ZNF516: variants seen among roughly 807,000 people sequenced by gnomAD.
ZNF516 encodes the protein zinc finger protein 516.
Under a neutral mutation model 79.7 loss-of-function variants are expected in ZNF516, and 19 were observed. The ratio of observed to expected loss-of-function variants is 0.24; its 90% CI spans 0.17 to 0.35. The LOEUF is 0.35. Among genes scored for constraint, ZNF516 ranks in the 10% least tolerant of loss-of-function variants. The probability of loss-of-function intolerance (pLI) is 1.00; values close to 1 mark genes in which losing one functional copy is unlikely to be tolerated. For synonymous variants in ZNF516, 877 were observed against 739.5 expected, an observed-to-expected ratio of 1.19 and a Z score of -3.02; for missense variants, 1,678 against 1,679.5, an observed-to-expected ratio of 1.00 and a Z score of 0.02.
chr18:76,410,829 C>T (rs890099242), intron 3 of ZNF516, among the ~76,000 whole-genome samples: 2 of 152,118 alleles, frequency 1.3e-5, no homozygotes, highest in African/African-American at 2.4e-5. Flanking sequence ...AGCAATCTCC[C>T]GGGGGAGTTT....
intron 3 of ZNF516, among the ~76,000 whole-genome samples, chr18:76,400,856 C>T (rs1345137330): frequency 6.6e-6 from 1 of 152,158 alleles, no homozygotes; most frequent in African/African-American, 2.4e-5. Flanking sequence ...GCAACTCTCC[C>T]CAAATCACAA....
At position 76,442,581 on chromosome 18, in the gene ZNF516, C is replaced by T. The variant is rs140311885; in HGVS notation, c.474G>A (p.Lys158=). The T allele has an allele frequency of 1.9e-6, 3 of 1,598,248 alleles. No individual in the cohort carries two copies. The highest frequency in any genetic ancestry group is 1.7e-4 in the Middle Eastern group (1 of 6,048). Residue 158 remains lysine (K), a synonymous_variant, in exon 3 of 7, where the codon AAG becomes AAA. Transcript: ENST00000443185. ...GGGCGCATGCGGACCCCTCTGCCCCCTTCTTGCTGCTCCGCAGCAGGACTC... is the reference window on the plus strand; with the variant it reads ...GGGCGCATGCGGACCCCTCTGCCCCTTTCTTGCTGCTCCGCAGCAGGACTC... ...SGRVLLRSSK[K]GAEGSACAPG...
In ZNF516 at chr18:76,371,542, C is replaced by G; in HGVS notation, c.3289G>C (p.Glu1097Gln). The change falls in exon 5 of 7, where the codon GAG (glutamate) becomes CAG (glutamine). Residue 1097 changes from glutamate (E) to glutamine (Q), a missense_variant. Physicochemically the swap from Glu to Gln is conservative, Grantham distance 29. Around this residue, in one of 5 missense-constraint regions of ZNF516, gnomAD observed 1,294 missense variants for 1,248.3 expected, o/e 1.04. Coordinates refer to ENST00000443185, the MANE Select transcript of ZNF516 (RefSeq NM_014643.4). Reference protein sequence around the residue: ...GTLRTQARPGEFVCIECGKSF... With the variant: ...GTLRTQARPGQFVCIECGKSF... ...TTTCCGCACTCGATGCAGACGAACT[C>G]TCCTGGCCGGGCCTGCGTCCGGAGT... 3 of 1,611,024 alleles carry G rather than the reference C, an allele frequency of 1.9e-6. No homozygotes were observed. The highest frequency in any genetic ancestry group is 2.5e-6 in the Non-Finnish European group (3 of 1,179,770).
chr18:76,470,238 A>C (rs1384061014), intron 1 of ZNF516, among the ~76,000 whole-genome samples: 2 of 152,216 alleles, frequency 1.3e-5, no homozygotes, highest in Non-Finnish European at 2.9e-5. Context: ...ACCAATGTGC[A>C]GTTTCCCTTT....
chr18:76,367,019 T>C (rs746191956), intron 6 of ZNF516, among the ~76,000 whole-genome samples: 2 of 152,362 alleles, frequency 1.3e-5, no homozygotes, highest in South Asian at 2.1e-4. Context: ...CTCTCCACTA[T>C]AAACCCGTAT....
intron 1 of ZNF516, chr18:76,492,429 G>A (rs886718744): frequency 2.1e-6 from 2 of 946,386 alleles, no homozygotes; most frequent in African/African-American, 3.5e-5. Flanking sequence ...CAGCGTTCAG[G>A]AGGCGGGTGG....
intron 3 of ZNF516, among the ~76,000 whole-genome samples, chr18:76,413,598 C>T (rs2075397675): frequency 6.6e-6 from 1 of 152,154 alleles, no homozygotes; most frequent in African/African-American, 2.4e-5. Flanking sequence ...GGTTCAATTT[C>T]ATCCCCTCGA....
At chr18:76,450,179 A>G (rs1912308795) in intron 2 of ZNF516, among the ~76,000 whole-genome samples, 1 of 77,836 alleles carries the variant, frequency 1.3e-5, no homozygotes, top group Non-Finnish European at 2.6e-5. Context: ...AACTCATGAA[A>G]CTAAAGGGGG....
chr18:76,415,691 T>C (rs145493877), intron 3 of ZNF516, among the ~76,000 whole-genome samples: 88 of 152,184 alleles, frequency 5.8e-4, no homozygotes, highest in African/African-American at 2.1e-3. Flanking sequence ...AAAGAATGCT[T>C]CTAAATACAA....
intron 6 of ZNF516, 117 bp downstream of exon 6, chr18:76,370,411 T>C (rs1762037274): frequency 1.0e-6 from 1 of 1,003,836 alleles, no homozygotes; most frequent in Non-Finnish European, 1.4e-6. Flanking sequence ...TATAGGATTA[T>C]TTACACATCT....
chr18:76,466,432 C>A (rs958690968), intron 1 of ZNF516, among the ~76,000 whole-genome samples: 5 of 152,228 alleles, frequency 3.3e-5, no homozygotes, highest in Non-Finnish European at 7.3e-5. Flanking sequence ...GGACGGGATG[C>A]TGGCACGGAG....
At chr18:76,425,194 T>G (rs778860429) in intron 3 of ZNF516, among the ~76,000 whole-genome samples, 35 of 149,410 alleles carry the variant, frequency 2.3e-4, no homozygotes, top group Non-Finnish European at 3.7e-4. Flanking sequence ...AAAAAAAAAG[T>G]GAGAGATCGC....
chr18:76,421,977 G>A (rs2075514358), intron 3 of ZNF516, among the ~76,000 whole-genome samples: 1 of 151,908 alleles, frequency 6.6e-6, no homozygotes, highest in African/African-American at 2.4e-5. Context: ...TTTGTTTTTT[G>A]TTTTTAATCT....
chr18:76,469,330 A>G (rs1913688246), intron 1 of ZNF516, among the ~76,000 whole-genome samples: 1 of 152,246 alleles, frequency 6.6e-6, no homozygotes, highest in Non-Finnish European at 1.5e-5. Context: ...CACTCATTAT[A>G]TCTTTATATT....
rs971982522 is a variant in ZNF516 at position 76,357,785 on chromosome 18, C to G, written c.*4713G>C. Among the ~76,000 whole-genome samples the G allele has an allele frequency of 6.6e-6, 1 of 152,204 alleles. No homozygotes were observed. Among genetic ancestry groups the G allele is most frequent in the East Asian group, 1.9e-4 (1 of 5,196 alleles). Reference sequence around the variant, plus strand: ...CACAGTGCCAGCCCTTGTGTCCCCACATTTTTGACACAATAATTTCCTCCA... The same window carrying G: ...CACAGTGCCAGCCCTTGTGTCCCCAGATTTTTGACACAATAATTTCCTCCA... On this transcript the variant is annotated 3_prime_UTR_variant, in exon 7 of 7. Transcript: ENST00000443185.
intron 2 of ZNF516, among the ~76,000 whole-genome samples, chr18:76,448,332 T>C (rs1912187629): frequency 6.6e-6 from 1 of 152,232 alleles, no homozygotes. Flanking sequence ...TGGGATACAT[T>C]TACTCTGTAG....
Position 76,380,077 on chromosome 18 carries a change from G to A in ZNF516, c.2037C>T (p.His679=), listed in dbSNP as rs181805304. Reference sequence around the variant, plus strand: ...CAGGGACGGGCACCTCCTGCTTGGGGTGAAATGCTGGCATCTTTAAGTCCA... The same window carrying A: ...CAGGGACGGGCACCTCCTGCTTGGGATGAAATGCTGGCATCTTTAAGTCCA... The part of the protein sequence containing the change: ...FSMDLKMPAF[H]PKQEVPVPGD... The change falls in exon 4 of 7, where the codon CAC becomes CAT. Residue 679 remains histidine (H), a synonymous_variant. Transcript: ENST00000443185. 5.6e-6 allele frequency: 9 copies of A among 1,613,920 alleles called. No homozygotes were observed. The East Asian group carries it at 1.3e-4, about 24-fold the overall frequency.
intron 1 of ZNF516, among the ~76,000 whole-genome samples, chr18:76,474,554 G>A (rs1264341231): frequency 2.0e-5 from 3 of 152,120 alleles, no homozygotes; most frequent in Admixed American, 2.0e-4. Flanking sequence ...AAAATTTATG[G>A]TACACAAGAA....
intron 3 of ZNF516, among the ~76,000 whole-genome samples, chr18:76,417,711 C>T (rs1003038422): frequency 2.0e-5 from 3 of 152,194 alleles, no homozygotes; most frequent in Admixed American, 6.5e-5. Context: ...CCACACTCAA[C>T]ATTTTCTTAC....
Sources: gnomAD v4.1 joint callset for allele counts (sites outside exome capture counted in the v4.1 genomes callset) on GRCh38, gnomAD v4.1.1 for gene constraint, gnomAD v4.1.1 regional missense constraint, MANE v1.5 for transcripts, NCBI Gene and HGNC (gene_info 2026-07-23, HGNC 2026-07-21) for gene names.